Variants in CCSER1 observed in about 807,000 individuals in gnomAD.
CCSER1 encodes the protein serine-rich coiled-coil domain-containing protein 1.
In CCSER1, 41 loss-of-function variants were observed where a neutral mutation model predicts 82.0. The observed-to-expected ratio is 0.50, with a 90% CI of 0.39 to 0.65. CCSER1 has a LOEUF of 0.65. CCSER1 is among the 30% of genes least tolerant of loss of function. CCSER1 has a pLI of 0.00. For missense variants in CCSER1, 1,119 were observed against 1,064.2 expected (o/e 1.05, Z -0.72); for synonymous variants, 414 against 383.9 (o/e 1.08, Z -0.92).
chr4:90,182,713 A>G (rs938839007), intron 1 of CCSER1, among the ~76,000 whole-genome samples: 3 of 152,176 alleles, frequency 2.0e-5, no homozygotes, highest in Admixed American at 1.3e-4. Flanking sequence ...AAACAATAGA[A>G]GCTCAGAGGA....
intron 9 of CCSER1, among the ~76,000 whole-genome samples, chr4:91,000,860 T>C (rs1737976246): frequency 6.6e-6 from 1 of 152,146 alleles, no homozygotes; most frequent in African/African-American, 2.4e-5. Context: ...TATAGAGTCA[T>C]ATCATCCACA....
At chr4:90,924,644 A>T (rs1285078969) in intron 9 of CCSER1, among the ~76,000 whole-genome samples, 3 of 152,182 alleles carry the variant, frequency 2.0e-5, no homozygotes. Context: ...GTCCTTAAAG[A>T]GTATTTACCA....
At chr4:90,659,515 C>T (rs757900574) in intron 6 of CCSER1, among the ~76,000 whole-genome samples, 3 of 152,000 alleles carry the variant, frequency 2.0e-5, no homozygotes, top group African/African-American at 4.8e-5. Flanking sequence ...TCATTACAAC[C>T]ACCACCAACA....
chr4:90,313,641 G>A (rs892552867), intron 3 of CCSER1, among the ~76,000 whole-genome samples: 1 of 152,082 alleles, frequency 6.6e-6, no homozygotes, highest in Non-Finnish European at 1.5e-5. Flanking sequence ...GGTGTGTGGG[G>A]AGAGGCATGG....
intron 8 of CCSER1, among the ~76,000 whole-genome samples, chr4:90,849,790 T>TAAAA (rs750879193): frequency 5.2e-5 from 4 of 76,950 alleles, no homozygotes; most frequent in Admixed American, 1.4e-4. Context: ...CTCCATCTCA[T>TAAAA]AAAAAAAAAA....
chr4:91,466,641 G>A (rs1296730141), intron 10 of CCSER1, among the ~76,000 whole-genome samples: 1 of 152,146 alleles, frequency 6.6e-6, no homozygotes, highest in Non-Finnish European at 1.5e-5. Context: ...AAGCTGATAA[G>A]CAACTTCAGC....
At chr4:90,648,275 AGAAAGAAAG>A (rs1286826627) in intron 6 of CCSER1, among the ~76,000 whole-genome samples, 1 of 105,110 alleles carries the variant, frequency 9.5e-6, no homozygotes, top group Admixed American at 1.0e-4. Flanking sequence ...AAAGAGAGAG[AGAAAGAAAG>A]GAAAGAAAGA....
In CCSER1 at chr4:91,030,740, T is replaced by TAA. The variant is rs34151278; in HGVS notation, c.2173-55202_2173-55201dup. Among the ~76,000 whole-genome samples the TAA allele has an allele frequency of 7.3e-5, 11 of 150,968 alleles. No individual in the cohort carries two copies. The East Asian group carries it at 1.2e-3, about 16-fold the overall frequency. ...AACCTCAATTTCTAGTTTCTCTGAT[T>TAA]AAAAAAAAAGAACCAAATGGAGCAA... On this transcript the variant is annotated intron_variant, in intron 9 of 10. Coordinates refer to ENST00000509176, the MANE Select transcript of CCSER1 (RefSeq NM_001145065.2).
At chr4:90,228,224 T>C (rs2153425451) in intron 1 of CCSER1, among the ~76,000 whole-genome samples, 1 of 152,300 alleles carries the variant, frequency 6.6e-6, no homozygotes, top group African/African-American at 2.4e-5. Flanking sequence ...AATGTCCCTG[T>C]CTGACAGCTT....
At chr4:90,416,623 G>A (rs971802748) in intron 4 of CCSER1, among the ~76,000 whole-genome samples, 1 of 152,104 alleles carries the variant, frequency 6.6e-6, no homozygotes, top group African/African-American at 2.4e-5. Flanking sequence ...ATTTTAGACA[G>A]TTTTAATTCC....
intron 5 of CCSER1, among the ~76,000 whole-genome samples, chr4:90,512,829 C>T (rs754285331): frequency 1.3e-5 from 2 of 152,018 alleles, no homozygotes; most frequent in African/African-American, 4.8e-5. Context: ...ATACTTAAAG[C>T]TTAATGGTCA....
At chr4:91,081,222 G>C (rs1052837755) in intron 9 of CCSER1, among the ~76,000 whole-genome samples, 1 of 152,146 alleles carries the variant, frequency 6.6e-6, no homozygotes, top group Non-Finnish European at 1.5e-5. Flanking sequence ...GATCAAGTTG[G>C]CTTCATCCCT....
At chr4:90,770,685 T>A (rs1002001018) in intron 7 of CCSER1, among the ~76,000 whole-genome samples, 17 of 152,142 alleles carry the variant, frequency 1.1e-4, no homozygotes, top group Admixed American at 2.6e-4. Flanking sequence ...TGACTTTTTT[T>A]ATGCCAAATC....
chr4:90,483,661 A>G (rs949058292), intron 5 of CCSER1, among the ~76,000 whole-genome samples: 25 of 152,124 alleles, frequency 1.6e-4, no homozygotes, highest in East Asian at 3.9e-4. Context: ...TGAAATTCTG[A>G]GTTGAAAATT....
At chr4:91,357,885 C>CG (rs1158603377) in intron 10 of CCSER1, among the ~76,000 whole-genome samples, 8 of 73,004 alleles carry the variant, frequency 1.1e-4, no homozygotes, top group Non-Finnish European at 1.5e-4. Flanking sequence ...TGCCCCCCCC[C>CG]CCTTTTTTTT....
At chr4:90,258,784 G>T (rs1419126018) in intron 1 of CCSER1, among the ~76,000 whole-genome samples, 1 of 152,070 alleles carries the variant, frequency 6.6e-6, no homozygotes, top group Non-Finnish European at 1.5e-5. Flanking sequence ...TGAATTATGA[G>T]ATTTTAATGC....
intron 5 of CCSER1, among the ~76,000 whole-genome samples, chr4:90,609,686 C>G (rs915374451): frequency 3.3e-5 from 5 of 152,128 alleles, no homozygotes; most frequent in Non-Finnish European, 7.3e-5. Flanking sequence ...ATACCTGTCT[C>G]TAAATCTAGC....
intron 4 of CCSER1, among the ~76,000 whole-genome samples, chr4:90,430,491 T>C (rs1758120756): frequency 6.6e-6 from 1 of 151,890 alleles, no homozygotes. Context: ...CTTTAAAGCA[T>C]ATGTAAAATA....
intron 5 of CCSER1, among the ~76,000 whole-genome samples, chr4:90,535,680 G>A (rs1266391264): frequency 6.6e-6 from 1 of 152,006 alleles, no homozygotes; most frequent in Non-Finnish European, 1.5e-5. Context: ...ATTAATGATA[G>A]AATACTGCCA....
Sources: allele counts gnomAD v4.1 joint callset (sites outside exome capture counted in the v4.1 genomes callset), GRCh38; gene constraint gnomAD v4.1.1; transcripts MANE v1.5; gene names NCBI Gene and HGNC (gene_info 2026-07-23, HGNC 2026-07-21).